DNAH12: variants seen among roughly 807,000 people sequenced by gnomAD.
The protein encoded by DNAH12 is dynein axonemal heavy chain 12.
DNAH12 carries 285 observed loss-of-function variants against 371.5 expected under a neutral mutation model. That is an observed-to-expected ratio of 0.77 (90% CI 0.70 to 0.85). The LOEUF (loss-of-function observed/expected upper bound fraction) is 0.85, where lower values mean the gene tolerates loss of function less well. Ranked by LOEUF, DNAH12 falls within the 40% of genes least tolerant of loss-of-function variation. DNAH12 has a pLI of 0.00. For missense variants in DNAH12, 3,611 were observed against 3,689.4 expected (o/e 0.98, Z 0.55); for synonymous variants, 1,200 against 1,213.0 (o/e 0.99, Z 0.22).
chr3:57,409,608 T>G (rs374807855), intron 39 of DNAH12, among the ~76,000 whole-genome samples: 6 of 151,898 alleles, frequency 4.0e-5, no homozygotes, highest in African/African-American at 1.5e-4. Flanking sequence ...CTCAGGAGAG[T>G]GACTATCTTC....
chr3:57,474,537 C>T (rs1182804843), intron 13 of DNAH12, among the ~76,000 whole-genome samples: 1 of 152,152 alleles, frequency 6.6e-6, no homozygotes, highest in Non-Finnish European at 1.5e-5. Context: ...ATCAGGTGAT[C>T]CACCCACGTC....
intron 2 of DNAH12, among the ~76,000 whole-genome samples, chr3:57,541,999 G>T (rs2069306169): frequency 6.6e-6 from 1 of 152,076 alleles, no homozygotes; most frequent in African/African-American, 2.4e-5. Flanking sequence ...TTGGAATTTT[G>T]TAAATGAAAT....
intron 29 of DNAH12, among the ~76,000 whole-genome samples, chr3:57,440,558 AAACT>A (rs1379924774): frequency 6.6e-6 from 1 of 152,224 alleles, no homozygotes; most frequent in African/African-American, 2.4e-5. Flanking sequence ...AAGGGCTGAA[AAACT>A]AACTATTGGG....
Position 57,322,480 on chromosome 3 carries a change from G to A in DNAH12, c.10387C>T (p.Pro3463Ser), listed in dbSNP as rs978718171. The change falls in exon 65 of 74, where the codon CCA becomes TCA. Residue 3463 changes from proline (P) to serine (S), a missense_variant. Around this residue, in one of 3 missense-constraint regions of DNAH12, gnomAD observed 2,266 missense variants for 2,236.9 expected, o/e 1.01. Coordinates refer to ENST00000495027, the MANE Select transcript of DNAH12 (RefSeq NM_001366028.2). ...WLTSYPSSKF[P>S]VTILQNGVKM... ...ACTCCATTCTGTAGAATTGTTACTG[G>A]GAACTAAGACAAAATAAATGGAGAG... 3.2e-6 allele frequency: 5 copies of A among 1,550,978 alleles called. No homozygotes were observed. The African/African-American group carries it at 5.5e-5, about 17-fold the overall frequency.
chr3:57,395,856 G>T (rs1345475519), intron 43 of DNAH12, among the ~76,000 whole-genome samples: 1 of 151,900 alleles, frequency 6.6e-6, no homozygotes, highest in African/African-American at 2.4e-5. Context: ...ACTAGGGAGG[G>T]TGAGGTGGGA....
chr3:57,476,400 C>A (rs2066525173), intron 13 of DNAH12, among the ~76,000 whole-genome samples: 1 of 151,944 alleles, frequency 6.6e-6, no homozygotes, highest in African/African-American at 2.4e-5. Context: ...CCCGTCTCTA[C>A]TAAAAATACA....
intron 40 of DNAH12, among the ~76,000 whole-genome samples, chr3:57,407,931 G>C (rs13319685): frequency 6.6e-6 from 1 of 152,162 alleles, no homozygotes; most frequent in Admixed American, 6.5e-5. Context: ...ACAAGTACCA[G>C]AGTAGGAACC....
chr3:57,298,982 TTGTCTC>T (rs1350385466), intron 70 of DNAH12, among the ~76,000 whole-genome samples: 9 of 152,334 alleles, frequency 5.9e-5, no homozygotes, highest in African/African-American at 9.6e-5. Context: ...GAAATGGACT[TTGTCTC>T]TGAGCAGGCA....
intron 7 of DNAH12, 104 bp downstream of exon 7, chr3:57,508,278 G>C (rs1259844652): frequency 3.7e-6 from 4 of 1,085,468 alleles, no homozygotes; most frequent in Non-Finnish European, 3.7e-6. Flanking sequence ...CTAAAATCTA[G>C]AGAAAAGTGT....
At chr3:57,363,169 A>C (rs2062975572) in intron 58 of DNAH12, among the ~76,000 whole-genome samples, 1 of 152,090 alleles carries the variant, frequency 6.6e-6, no homozygotes, top group Non-Finnish European at 1.5e-5. Context: ...CAAAAACAAG[A>C]AATGGGGAAA....
At chr3:57,384,527 C>G (rs2063461699) in intron 49 of DNAH12, among the ~76,000 whole-genome samples, 2 of 151,926 alleles carry the variant, frequency 1.3e-5, no homozygotes, top group Non-Finnish European at 2.9e-5. Context: ...GTCTGTGATC[C>G]TAGTTACTGA....
intron 4 of DNAH12, among the ~76,000 whole-genome samples, chr3:57,519,224 T>C (rs997751064): frequency 6.6e-6 from 1 of 152,236 alleles, no homozygotes; most frequent in Non-Finnish European, 1.5e-5. Flanking sequence ...TTCATATCTT[T>C]CTTTTTGGGA....
intron 65 of DNAH12, among the ~76,000 whole-genome samples, chr3:57,315,777 A>G (rs889419299): frequency 1.6e-4 from 24 of 152,150 alleles, no homozygotes; most frequent in African/African-American, 4.8e-4. Context: ...CTGCTGGGAC[A>G]AGTGGTCTCT....
At chr3:57,529,921 C>A (rs948740330) in intron 2 of DNAH12, among the ~76,000 whole-genome samples, 4 of 152,036 alleles carry the variant, frequency 2.6e-5, no homozygotes, top group African/African-American at 9.7e-5. Flanking sequence ...CATAGGTTTT[C>A]ATATGTTGCA....
intron 35 of DNAH12, among the ~76,000 whole-genome samples, chr3:57,421,931 C>T (rs540676014): frequency 9.5e-4 from 73 of 77,128 alleles, no homozygotes; most frequent in African/African-American, 7.4e-3. Flanking sequence ...TTTGAGACAG[C>T]GCCTCTCTCT....
At chr3:57,440,777 C>T (rs1449771107) in intron 29 of DNAH12, among the ~76,000 whole-genome samples, 6 of 152,062 alleles carry the variant, frequency 3.9e-5, no homozygotes, top group South Asian at 2.1e-4. Flanking sequence ...GGGTTGAGCC[C>T]GGGAGTTCAA....
chr3:57,391,439 G>T (rs1300714744), intron 45 of DNAH12, among the ~76,000 whole-genome samples: 1 of 152,002 alleles, frequency 6.6e-6, no homozygotes, highest in Non-Finnish European at 1.5e-5. Context: ...GGTTTTCCTG[G>T]GCTTTCACCT....
rs2166762 is a variant in DNAH12 at position 57,446,025 on chromosome 3, T to A, written c.4179+6A>T. 6.0e-4 allele frequency: 229 copies of A among 379,034 alleles called. 2 individuals are homozygous for A. In the Middle Eastern group the frequency reaches 7.0e-3, roughly 12 times the overall value. The allele number at this position is 379,034 out of a possible 1,614,324, so 23.5% of individuals were successfully genotyped here. On this transcript the variant is annotated splice_donor_region_variant and intron_variant, in intron 27 of 73. Coordinates refer to ENST00000495027, the MANE Select transcript of DNAH12 (RefSeq NM_001366028.2). ...AATAAATAAATAAATAAATAAATAA[T>A]ATTACCTTAAGATTGTCCGGCAATT...
intron 60 of DNAH12, among the ~76,000 whole-genome samples, chr3:57,337,503 T>G (rs925135335): frequency 2.6e-4 from 40 of 151,880 alleles, no homozygotes; most frequent in Non-Finnish European, 1.2e-4. Flanking sequence ...CTAATAAAAA[T>G]AGAAAATTAG....
Sources: gnomAD v4.1 joint callset for allele counts (sites outside exome capture counted in the v4.1 genomes callset) on GRCh38, gnomAD v4.1.1 for gene constraint, gnomAD v4.1.1 regional missense constraint, MANE v1.5 for transcripts, NCBI Gene and HGNC (gene_info 2026-07-23, HGNC 2026-07-21) for gene names.